MN1: variants seen among roughly 807,000 people sequenced by gnomAD.
MN1 encodes the protein transcriptional activator MN1.
A neutral mutation model predicts 86.9 loss-of-function variants in MN1; 19 were observed. That is an observed-to-expected ratio of 0.22 (90% CI 0.15 to 0.32). The LOEUF is 0.32. Ranked by LOEUF, MN1 falls within the 10% of genes least tolerant of loss-of-function variation. The pLI, the probability that MN1 is intolerant of heterozygous loss-of-function variation, is 1.00. For missense variants in MN1, 1,841 were observed against 1,862.0 expected (o/e 0.99, Z 0.21); for synonymous variants, 928 against 849.6 (o/e 1.09, Z -1.60).
chr22:27,758,436 G>C (rs1932814731), intron 1 of MN1, among the ~76,000 whole-genome samples: 1 of 152,162 alleles, frequency 6.6e-6, no homozygotes, highest in Admixed American at 6.5e-5. Context: ...GGCACCCCTG[G>C]CTCCGGCTAC....
chr22:27,762,707 C>T (rs939323383), intron 1 of MN1, among the ~76,000 whole-genome samples: 2 of 152,028 alleles, frequency 1.3e-5, no homozygotes, highest in African/African-American at 4.8e-5. Context: ...AGCAACTAAA[C>T]ACCAGGGCTG....
chr22:27,768,446 G>T (rs529129529), intron 1 of MN1, among the ~76,000 whole-genome samples: 1 of 152,322 alleles, frequency 6.6e-6, no homozygotes, highest in African/African-American at 2.4e-5. Flanking sequence ...CCTGTGGGTA[G>T]AGCTACAGAG....
chr22:27,797,634 G>T lies in MN1; in HGVS notation c.2910C>A (p.Gly970=). The change falls in exon 1 of 2, where the codon GGC becomes GGA. Residue 970 remains glycine (G), a synonymous_variant. Transcript: ENST00000302326. ...GCTGCCCTGGGCTCACCCCAGGTGC[G>T]CCCCCGCTGTCCGGAGCCGCCGAGT... ...DKYSAAPDSG[G]APGVSPGQQQ... 1.9e-6 allele frequency: 3 copies of T among 1,594,004 alleles called. No individual in the cohort carries two copies. The highest frequency in any genetic ancestry group is 2.6e-6 in the Non-Finnish European group (3 of 1,170,406).
chr22:27,798,244 G>A lies in MN1; in HGVS notation c.2300C>T (p.Pro767Leu), dbSNP rs1415818999. 3 of 1,517,662 alleles carry A rather than the reference G, an allele frequency of 2.0e-6. No individual in the cohort carries two copies. The highest frequency in any genetic ancestry group is 2.6e-6 in the Non-Finnish European group (3 of 1,143,240). The allele number at this position is 1,517,662 out of a possible 1,614,324, so 94.0% of individuals were successfully genotyped here. A position where few individuals can be genotyped will look rare whatever the true frequency, so the allele number is the denominator to read the frequency against. Residue 767 changes from proline to leucine, a missense_variant, in exon 1 of 2, where the codon CCC becomes CTC. By Grantham distance (98) the Pro-to-Leu change is moderately conservative. Transcript: ENST00000302326. ...PHSGPGVNSP[P>L]SAGGGGGSSG... ...GCTGCCACCGCCCCCTCCCGCGCTG[G>A]GGGGCGAGTTCACGCCTGGACCGCT... is the stretch of plus-strand genomic sequence containing the variant.
In MN1 at chr22:27,750,990, G is replaced by A. The variant is rs374503759; in HGVS notation, c.3888C>T (p.Ala1296=). 1.4e-5 allele frequency: 22 copies of A among 1,613,038 alleles called. No individual in the cohort carries two copies. Among genetic ancestry groups the A allele is most frequent in the Non-Finnish European group, 1.9e-5 (22 of 1,179,476 alleles). ...TDDVGDAKAR[A]SVPTWRSLHS... ...GCAGGGACCGCCAGGTGGGCACGGA[G>A]GCTCGAGCCTTGGCGTCACCCACGT... Residue 1296 remains alanine (A), a synonymous_variant, in exon 2 of 2, where the codon GCC becomes GCT. Transcript: ENST00000302326.
At chr22:27,793,709 C>T (rs1403675129) in intron 1 of MN1, among the ~76,000 whole-genome samples, 3 of 151,840 alleles carry the variant, frequency 2.0e-5, no homozygotes, top group African/African-American at 7.2e-5. Flanking sequence ...TTTGCGAGAA[C>T]GACAACTTGC....
At chr22:27,768,085 C>G (rs1291443974) in intron 1 of MN1, among the ~76,000 whole-genome samples, 1 of 151,986 alleles carries the variant, frequency 6.6e-6, no homozygotes, top group African/African-American at 2.4e-5. Context: ...GAAAGAGAGA[C>G]AGACAAGGAG....
rs1205727224 is a variant in MN1, at chr22:27,800,674, G to T, written c.-131C>A. 14 of 1,299,270 alleles carry T rather than the reference G, an allele frequency of 1.1e-5. No homozygotes were observed. Among genetic ancestry groups the T allele is most frequent in the South Asian group, 1.4e-5 (1 of 73,274 alleles). The allele number at this position is 1,299,270 out of a possible 1,614,324, so 80.5% of individuals were successfully genotyped here. A position where few individuals can be genotyped will look rare whatever the true frequency, so the allele number is the denominator to read the frequency against. On this transcript the variant is annotated 5_prime_UTR_variant, in exon 1 of 2. Coordinates refer to ENST00000302326, the MANE Select transcript of MN1 (RefSeq NM_002430.3). ...GCTCAGCACCGCGGGGGCTCAGCGC[G>T]CACCTCCACCCCGCCTGATGTGAGG...
In MN1 at chr22:27,799,371, G is replaced by A. The variant is rs1208411538; in HGVS notation, c.1173C>T (p.Gly391=). ...GCATGGGGCCTCCGTCCTGCAGGCC[G>A]CCGCTGGGCGTGCCCGCCTCGCCCT... The part of the protein sequence containing the change: ...PQQGEAGTPS[G]GLQDGGPMLP... Residue 391 remains glycine (G), a synonymous_variant, in exon 1 of 2, where the codon GGC becomes GGT. Transcript: ENST00000302326. 2.6e-6 allele frequency: 4 copies of A among 1,550,164 alleles called. No individual in the cohort carries two copies. The highest frequency in any genetic ancestry group is 2.3e-5 in the East Asian group (1 of 43,720).
intron 1 of MN1, among the ~76,000 whole-genome samples, chr22:27,763,174 T>C (rs755517264): frequency 9.2e-5 from 14 of 152,186 alleles, no homozygotes; most frequent in African/African-American, 2.9e-4. Context: ...TTCCAGCCCA[T>C]TGGAGGAAAC....
At position 27,798,573 on chromosome 22, in the gene MN1, G is replaced by T. The variant is rs926204565; in HGVS notation, c.1971C>A (p.Gly657=). 25 of 1,538,350 alleles carry T rather than the reference G, an allele frequency of 1.6e-5. No homozygotes were observed. The highest frequency in any genetic ancestry group is 7.2e-5 in the East Asian group (3 of 41,894). ...MGGSGLPADC[G]PHDPSLAPPP... is the part of the protein sequence containing the mutation. ...GGGGCGCCAGGCTGGGGTCGTGCGG[G>T]CCACAGTCAGCGGGCAGACCCGAGC... The change falls in exon 1 of 2, where the codon GGC becomes GGA. Residue 657 remains glycine, a synonymous_variant. Transcript: ENST00000302326.
chr22:27,783,297 CATTTTTGT>C (rs914760202), intron 1 of MN1, among the ~76,000 whole-genome samples: 1 of 151,978 alleles, frequency 6.6e-6, no homozygotes, highest in Non-Finnish European at 1.5e-5. Context: ...ACACCCCACT[CATTTTTGT>C]ATTTTTAGTA....
At chr22:27,788,123 C>T (rs566366959) in intron 1 of MN1, among the ~76,000 whole-genome samples, 9 of 152,302 alleles carry the variant, frequency 5.9e-5, no homozygotes, top group Admixed American at 2.0e-4. Flanking sequence ...ATTTTCCACT[C>T]GCGAACCCCA....
chr22:27,756,934 T>G (rs1219612219), intron 1 of MN1, among the ~76,000 whole-genome samples: 1 of 151,998 alleles, frequency 6.6e-6, no homozygotes, highest in Non-Finnish European at 1.5e-5. Context: ...TTTTTAAAAT[T>G]TATTTTGTAG....
rs1381881303 is a variant in MN1 at position 27,796,779 on chromosome 22, G to A, written c.3765C>T (p.Asn1255=). The change falls in exon 1 of 2, where the codon AAC becomes AAT. Residue 1255 remains asparagine (N), a synonymous_variant. Coordinates refer to ENST00000302326, the MANE Select transcript of MN1 (RefSeq NM_002430.3). The part of the protein sequence containing the change: ...LAPWEKAKPQ[N]PNSKEAHDLP... ...TGCATATACCTTCTTTGCTGTTGGG[G>A]TTCTGGGGTTTGGCCTTCTCCCAGG... The A allele has an allele frequency of 6.2e-7, 1 of 1,601,746 alleles. No homozygotes were observed. Among genetic ancestry groups the A allele is most frequent in the Non-Finnish European group, 8.5e-7 (1 of 1,177,342 alleles).
rs757745858 is a variant in MN1 at position 27,797,216 on chromosome 22, T to C, written c.3328A>G (p.Asn1110Asp). The C allele has an allele frequency of 6.4e-6, 10 of 1,561,322 alleles. No homozygotes were observed. Among genetic ancestry groups the C allele is most frequent in the Admixed American group, 3.7e-5 (2 of 53,406 alleles). ...PPALGLGIMS[N>D]STSTPDSYGG... ...TAGCTGTCAGGGGTCGAGGTAGAGT[T>C]AGACATGATGCCCAGGCCGAGGGCG... Residue 1110 changes from asparagine to aspartate, a missense_variant, in exon 1 of 2, where the codon AAC becomes GAC. Asn to Asp is a conservative substitution (Grantham distance 23, BLOSUM62 1). Transcript: ENST00000302326.
At chr22:27,786,659 C>G (rs1448167243) in intron 1 of MN1, among the ~76,000 whole-genome samples, 1 of 152,156 alleles carries the variant, frequency 6.6e-6, no homozygotes, top group Non-Finnish European at 1.5e-5. Flanking sequence ...GTTCTTTGGC[C>G]GTCTCCAAGG....
At chr22:27,790,468 T>C (rs1278417159) in intron 1 of MN1, among the ~76,000 whole-genome samples, 1 of 152,130 alleles carries the variant, frequency 6.6e-6, no homozygotes, top group Non-Finnish European at 1.5e-5. Flanking sequence ...TTTTGAGGCC[T>C]GTTCACAGTT....
chr22:27,791,527 G>A (rs1371505378), intron 1 of MN1, among the ~76,000 whole-genome samples: 3 of 152,090 alleles, frequency 2.0e-5, no homozygotes, highest in Non-Finnish European at 4.4e-5. Flanking sequence ...CGGGTAGTGA[G>A]AAAAGGACAG....
Sources: gnomAD v4.1 joint callset for allele counts (sites outside exome capture counted in the v4.1 genomes callset) on GRCh38, gnomAD v4.1.1 for gene constraint, MANE v1.5 for transcripts, NCBI Gene and HGNC (gene_info 2026-07-23, HGNC 2026-07-21) for gene names.